The following GDF2 variants were observed in gnomAD, a reference collection of about 807,000 sequenced individuals.
The protein encoded by GDF2 is growth/differentiation factor 2.
In GDF2, 17 loss-of-function variants were observed where a neutral mutation model predicts 16.9. The observed-to-expected ratio is 1.00, with a 90% CI of 0.69 to 1.51. The LOEUF is 1.51. Ranked by LOEUF, GDF2 falls within the 40% of genes most tolerant of loss-of-function variation. GDF2 has a pLI of 0.00. For missense variants in GDF2, 523 were observed against 556.3 expected (o/e 0.94, Z 0.60); for synonymous variants, 276 against 237.6 (o/e 1.16, Z -1.49).
chr10:47,322,476 A>G lies in GDF2; in HGVS notation c.-193A>G. On this transcript the variant is annotated 5_prime_UTR_variant, in exon 1 of 2. Coordinates refer to ENST00000581492, the MANE Select transcript of GDF2 (RefSeq NM_016204.4). Reference sequence around the variant, plus strand: ...CTCAGATAAGACGTCGGAGCGCGGCATCGAGGACCAGATAAGCACAAGTGG... The same window carrying G: ...CTCAGATAAGACGTCGGAGCGCGGCGTCGAGGACCAGATAAGCACAAGTGG... 1.9e-6 allele frequency: 1 copy of G among 515,112 alleles called. No homozygotes were observed. The highest frequency in any genetic ancestry group is 3.4e-6 in the Non-Finnish European group (1 of 293,452). The allele number at this position is 515,112 out of a possible 1,614,324, so 31.9% of individuals were successfully genotyped here.
In GDF2 at chr10:47,322,799, C is replaced by A; in HGVS notation, c.131C>A (p.Pro44His). ...AACGCCCACAGCCCACTGGGGGTGC[C>A]TGGAGGTGGGCTGCCTGAGCACACC... ...GGNAHSPLGV[P>H]GGGLPEHTFN... is the part of the protein sequence containing the mutation. Residue 44 changes from proline to histidine, a missense_variant, in exon 1 of 2, where the codon CCT becomes CAT. Pro to His is a moderately conservative substitution (Grantham distance 77). Transcript: ENST00000581492. 6.2e-7 allele frequency: 1 copy of A among 1,613,796 alleles called. No individual in the cohort carries two copies. Among genetic ancestry groups the A allele is most frequent in the Non-Finnish European group, 8.5e-7 (1 of 1,179,862 alleles).
At chr10:47,324,663 C>T (rs2061097483) in intron 1 of GDF2, among the ~76,000 whole-genome samples, 178 bp from the exon 2 acceptor site, 1 of 152,212 alleles carries the variant, frequency 6.6e-6, no homozygotes, top group African/African-American at 2.4e-5. Context: ...TTTGGAAGAT[C>T]TTAAGTGTAC....
chr10:47,322,899 G>C lies in GDF2; in HGVS notation c.231G>C (p.Ser77=). Residue 77 remains serine, a synonymous_variant, in exon 1 of 2, where the codon TCG becomes TCC. Coordinates refer to ENST00000581492, the MANE Select transcript of GDF2 (RefSeq NM_016204.4). ...GCCTTAACCTGAGTGGGGTCCCTTC[G>C]CAGGACAAAACCAGGGTGGAGCCGC... ...LRSLNLSGVP[S]QDKTRVEPPQ... 1.2e-6 allele frequency: 2 copies of C among 1,614,176 alleles called. No homozygotes were observed. Among genetic ancestry groups the C allele is most frequent in the Non-Finnish European group, 1.7e-6 (2 of 1,180,020 alleles).
chr10:47,327,086 C>T lies in GDF2; in HGVS notation c.*1302C>T, dbSNP rs2061111201. Among the ~76,000 whole-genome samples, 1 of 152,238 alleles carries T rather than the reference C, an allele frequency of 6.6e-6. No homozygotes were observed. The highest frequency in any genetic ancestry group is 6.5e-5 in the Admixed American group (1 of 15,284). ...AGTCACGTGCATCCCAGCACCCCGC[C>T]TGGGCTCGGACTGTGGGACCAGACT... is the stretch of plus-strand genomic sequence containing the variant. On this transcript the variant is annotated 3_prime_UTR_variant, in exon 2 of 2. Transcript: ENST00000581492.
Position 47,325,874 on chromosome 10 carries a change from C to A in GDF2, c.*90C>A. 1 of 942,366 alleles carries A rather than the reference C, an allele frequency of 1.1e-6. No homozygotes were observed. The highest frequency in any genetic ancestry group is 1.5e-6 in the Non-Finnish European group (1 of 645,974). The allele number at this position is 942,366 out of a possible 1,614,324, so 58.4% of individuals were successfully genotyped here. A position where few individuals can be genotyped will look rare whatever the true frequency, so the allele number is the denominator to read the frequency against. On this transcript the variant is annotated 3_prime_UTR_variant, in exon 2 of 2. Transcript: ENST00000581492. ...TGGGCACAACAAGGACTGATTCAAT[C>A]TGCATGCCAGCCTGGAGGAGGAAAG...
Position 47,322,969 on chromosome 10 carries a change from T to C in GDF2, c.301T>C (p.Ser101Pro). ...DLYNRYTSDKSTTPASNIVRS... is the reference protein window; with the variant it reads ...DLYNRYTSDKPTTPASNIVRS... ...GTACAACAGGTACACGTCCGATAAG[T>C]CGACTACGCCAGCGTCCAACATTGT... is the stretch of plus-strand genomic sequence containing the variant. Residue 101 changes from serine to proline, a missense_variant, in exon 1 of 2, where the codon TCG (serine) becomes CCG (proline). Physicochemically the swap from Ser to Pro is moderately conservative, Grantham distance 74 (BLOSUM62 -1). Coordinates refer to ENST00000581492, the MANE Select transcript of GDF2 (RefSeq NM_016204.4). The C allele has an allele frequency of 6.2e-7, 1 of 1,609,090 alleles. No individual in the cohort carries two copies. The highest frequency in any genetic ancestry group is 1.3e-5 in the African/African-American group (1 of 74,918).
rs2061090004 is a variant in GDF2 at position 47,322,933 on chromosome 10, A to C, written c.265A>C (p.Met89Leu). 7.4e-6 allele frequency: 12 copies of C among 1,614,112 alleles called. No homozygotes were observed. The highest frequency in any genetic ancestry group is 1.0e-5 in the Non-Finnish European group (12 of 1,179,962). Residue 89 changes from methionine to leucine, a missense_variant, in exon 1 of 2, where the codon ATG becomes CTG. Met to Leu is a conservative substitution (Grantham distance 15). Transcript: ENST00000581492. ...AACCAGGGTGGAGCCGCCGCAGTAC[A>C]TGATTGACCTGTACAACAGGTACAC... is the stretch of plus-strand genomic sequence containing the variant. Reference protein sequence around the residue: ...DKTRVEPPQYMIDLYNRYTSD... With the variant: ...DKTRVEPPQYLIDLYNRYTSD...
chr10:47,327,469 C>T lies in GDF2; in HGVS notation c.*1685C>T, dbSNP rs1474224635. ...GAAAATATGAATTCCTGCTACATGC[C>T]GGGCAGTGTAGTGTTACAATGCTAT... On this transcript the variant is annotated 3_prime_UTR_variant, in exon 2 of 2. Transcript: ENST00000581492. Among the ~76,000 whole-genome samples, 8 of 152,158 alleles carry T rather than the reference C, an allele frequency of 5.3e-5. No homozygotes were observed. Among genetic ancestry groups the T allele is most frequent in the African/African-American group, 1.7e-4 (7 of 41,438 alleles).
In GDF2 at chr10:47,326,323, G is replaced by A. The variant is rs1159448250; in HGVS notation, c.*539G>A. ...TGATCAATGGCATGATTCCAACTCA[G>A]ATTTGTGGGACACCAAAGCCCAGGA... On this transcript the variant is annotated 3_prime_UTR_variant, in exon 2 of 2. Coordinates refer to ENST00000581492, the MANE Select transcript of GDF2 (RefSeq NM_016204.4). The A allele has an allele frequency of 1.3e-5, 2 of 152,408 alleles. No homozygotes were observed. The highest frequency in any genetic ancestry group is 4.8e-5 in the African/African-American group (2 of 41,460). The allele number at this position is 152,408 out of a possible 1,614,324, so 9.4% of individuals were successfully genotyped here. A position where few individuals can be genotyped will look rare whatever the true frequency, so the allele number is the denominator to read the frequency against.
chr10:47,324,541 A>C (rs1435541303), intron 1 of GDF2, among the ~76,000 whole-genome samples: 3 of 152,242 alleles, frequency 2.0e-5, no homozygotes, highest in African/African-American at 7.2e-5. Context: ...TCCCAGGGTA[A>C]GTGAGAGGAT....
chr10:47,323,694 T>C lies in GDF2; in HGVS notation c.346+680T>C, dbSNP rs982387793. ...GCTCACATGATGCAGGGGAAATAAG[T>C]TTCTGAAGAGCAAAACTGTTCAGTC... On this transcript the variant is annotated intron_variant, in intron 1 of 1. Transcript: ENST00000581492. Among the ~76,000 whole-genome samples the C allele has an allele frequency of 5.9e-5, 9 of 152,320 alleles. 1 individual carries two copies. Among genetic ancestry groups the C allele is most frequent in the African/African-American group, 2.2e-4 (9 of 41,576 alleles).
At position 47,324,858 on chromosome 10, in the gene GDF2, G is replaced by C; in HGVS notation, c.364G>C (p.Ala122Pro). ...CATTTCAGATGCCATCTCCATAACT[G>C]CCACAGAGGACTTCCCCTTCCAGAA... is the stretch of plus-strand genomic sequence containing the variant. The part of the protein sequence containing the change: ...FSMEDAISIT[A>P]TEDFPFQKHI... Residue 122 changes from alanine to proline, a missense_variant, in exon 2 of 2, where the codon GCC becomes CCC. By Grantham distance (27) the Ala-to-Pro change is conservative. Coordinates refer to ENST00000581492, the MANE Select transcript of GDF2 (RefSeq NM_016204.4). The C allele has an allele frequency of 6.2e-7, 1 of 1,612,128 alleles. No individual in the cohort carries two copies. The highest frequency in any genetic ancestry group is 1.3e-5 in the African/African-American group (1 of 75,040).
At chr10:47,324,041 T>A (rs527705206) in intron 1 of GDF2, among the ~76,000 whole-genome samples, 2 of 152,336 alleles carry the variant, frequency 1.3e-5, no homozygotes, top group South Asian at 4.1e-4. Context: ...GCTGAAAAAA[T>A]GCAACCTCTT....
chr10:47,325,428 T>G lies in GDF2; in HGVS notation c.934T>G (p.Ser312Ala), dbSNP rs1588852323. ...CACGGATGGCCACGTGGCTGCGGGG[T>G]CGACTTTAGCCAGGCGGAAAAGGAG... is the stretch of plus-strand genomic sequence containing the variant. ...EDTDGHVAAG[S>A]TLARRKRSAG... Residue 312 changes from serine (S) to alanine (A), a missense_variant, in exon 2 of 2, where the codon TCG (serine) becomes GCG (alanine). Physicochemically the swap from Ser to Ala is moderately conservative, Grantham distance 99 (BLOSUM62 1). Transcript: ENST00000581492. 6.2e-7 allele frequency: 1 copy of G among 1,613,328 alleles called. No individual in the cohort carries two copies. The highest frequency in any genetic ancestry group is 2.2e-5 in the East Asian group (1 of 44,838).
Position 47,325,515 on chromosome 10 carries a change from T to C in GDF2, c.1021T>C (p.Trp341Arg). Reference protein sequence around the residue: ...SLRVNFEDIGWDSWIIAPKEY... With the variant: ...SLRVNFEDIGRDSWIIAPKEY... ...GCGGGTAAACTTCGAGGACATCGGC[T>C]GGGACAGCTGGATCATTGCACCCAA... The change falls in exon 2 of 2, where the codon TGG becomes CGG. Residue 341 changes from tryptophan (W) to arginine (R), a missense_variant. Coordinates refer to ENST00000581492, the MANE Select transcript of GDF2 (RefSeq NM_016204.4). 1 of 1,613,860 alleles carries C rather than the reference T, an allele frequency of 6.2e-7. No individual in the cohort carries two copies.
At position 47,325,620 on chromosome 10, in the gene GDF2, G is replaced by T; in HGVS notation, c.1126G>T (p.Val376Leu). 6.2e-7 allele frequency: 1 copy of T among 1,614,100 alleles called. No individual in the cohort carries two copies. The highest frequency in any genetic ancestry group is 1.6e-4 in the Middle Eastern group (1 of 6,062). Residue 376 changes from valine to leucine, a missense_variant, in exon 2 of 2, where the codon GTG becomes TTG. By Grantham distance (32) the Val-to-Leu change is conservative (BLOSUM62 1). Transcript: ENST00000581492. Reference protein sequence around the residue: ...DDVTPTKHAIVQTLVHLKFPT... With the variant: ...DDVTPTKHAILQTLVHLKFPT... Reference sequence around the variant, plus strand: ...TGTGACGCCGACGAAACACGCTATCGTGCAGACCCTGGTGCATCTCAAGTT... The same window carrying T: ...TGTGACGCCGACGAAACACGCTATCTTGCAGACCCTGGTGCATCTCAAGTT...
chr10:47,322,998 G>T lies in GDF2; in HGVS notation c.330G>T (p.Arg110=). 1 of 1,595,042 alleles carries T rather than the reference G, an allele frequency of 6.3e-7. No homozygotes were observed. Among genetic ancestry groups the T allele is most frequent in the Non-Finnish European group, 8.6e-7 (1 of 1,164,750 alleles). The stretch of plus-strand genomic sequence containing the variant: ...CTACGCCAGCGTCCAACATTGTGCG[G>T]AGCTTCAGCATGGAAGGTAGGGTCT... ...KSTTPASNIV[R]SFSMEDAISI... Residue 110 remains arginine (R), a synonymous_variant, in exon 1 of 2, where the codon CGG becomes CGT. Coordinates refer to ENST00000581492, the MANE Select transcript of GDF2 (RefSeq NM_016204.4).
chr10:47,324,693 CT>C (rs1170022651), intron 1 of GDF2, 147 bp from the exon 2 acceptor site: 1 of 608,354 alleles, frequency 1.6e-6, no homozygotes, highest in African/African-American at 1.8e-5. Flanking sequence ...TACTCTTATA[CT>C]TTAAGGGCTT....
rs1555208730 is a variant in GDF2, at chr10:47,322,921, C to A, written c.253C>A (p.Pro85Thr). The change falls in exon 1 of 2, where the codon CCG becomes ACG. Residue 85 changes from proline (P) to threonine (T), a missense_variant. By Grantham distance (38) the Pro-to-Thr change is conservative (BLOSUM62 -1). Coordinates refer to ENST00000581492, the MANE Select transcript of GDF2 (RefSeq NM_016204.4). Reference sequence around the variant, plus strand: ...TTCGCAGGACAAAACCAGGGTGGAGCCGCCGCAGTACATGATTGACCTGTA... The same window carrying A: ...TTCGCAGGACAAAACCAGGGTGGAGACGCCGCAGTACATGATTGACCTGTA... Reference protein sequence around the residue: ...VPSQDKTRVEPPQYMIDLYNR... With the variant: ...VPSQDKTRVETPQYMIDLYNR... 1.2e-6 allele frequency: 2 copies of A among 1,613,998 alleles called. No homozygotes were observed. Among genetic ancestry groups the A allele is most frequent in the Non-Finnish European group, 1.7e-6 (2 of 1,180,004 alleles).
Sources: gnomAD v4.1 joint callset for allele counts (sites outside exome capture counted in the v4.1 genomes callset) on GRCh38, gnomAD v4.1.1 for gene constraint, MANE v1.5 for transcripts, NCBI Gene and HGNC (gene_info 2026-07-23, HGNC 2026-07-21) for gene names.